Variants in FOXP2 observed in about 807,000 individuals in gnomAD.
FOXP2 encodes the protein forkhead box P2.
FOXP2 carries 12 observed loss-of-function variants against 115.8 expected under a neutral mutation model. That is an observed-to-expected ratio of 0.10 (90% CI 0.07 to 0.17). The LOEUF (loss-of-function observed/expected upper bound fraction) is 0.17. FOXP2 is among the 10% of genes least tolerant of loss of function. The pLI is 1.00. For synonymous variants in FOXP2, 328 were observed against 297.7 expected (o/e 1.10, Z -1.05); for missense variants, 629 against 843.5 (o/e 0.75, Z 3.15).
intron 3 of FOXP2, among the ~76,000 whole-genome samples, chr7:114,553,154 C>T (rs930880154): frequency 6.6e-6 from 1 of 152,060 alleles, no homozygotes; most frequent in African/African-American, 2.4e-5. Context: ...TTCAAACAAA[C>T]ATCAGTGAGT....
intron 1 of FOXP2, among the ~76,000 whole-genome samples, chr7:114,218,268 C>T (rs796648203): frequency 5.3e-5 from 8 of 152,248 alleles, no homozygotes; most frequent in African/African-American, 1.9e-4. Flanking sequence ...TTACAGTACC[C>T]TCTACTCTCC....
chr7:114,529,130 G>A (rs893938447), intron 2 of FOXP2, among the ~76,000 whole-genome samples: 35 of 151,858 alleles, frequency 2.3e-4, no homozygotes, highest in African/African-American at 8.5e-4. Flanking sequence ...GCTACTTGAT[G>A]TACTGCACCT....
chr7:114,520,244 C>T (rs1304096942), intron 2 of FOXP2, among the ~76,000 whole-genome samples: 5 of 152,134 alleles, frequency 3.3e-5, no homozygotes, highest in African/African-American at 4.8e-5. Context: ...TCACTATCCA[C>T]ATGGAATCCC....
intron 16 of FOXP2, among the ~76,000 whole-genome samples, chr7:114,678,183 AGCC>A (rs1481091577): frequency 6.6e-6 from 1 of 152,218 alleles, no homozygotes; most frequent in African/African-American, 2.4e-5. Context: ...CCTAAAAAAT[AGCC>A]ATCTTAAATA....
chr7:114,636,418 G>A (rs1805220281), intron 6 of FOXP2, among the ~76,000 whole-genome samples: 1 of 152,010 alleles, frequency 6.6e-6, no homozygotes, highest in African/African-American at 2.4e-5. Flanking sequence ...TGGCTTAACA[G>A]AATATATATA....
At chr7:114,105,702 T>A (rs549124428) in intron 1 of FOXP2, among the ~76,000 whole-genome samples, 1 of 152,160 alleles carries the variant, frequency 6.6e-6, no homozygotes, top group South Asian at 2.1e-4. Flanking sequence ...GAGGTAAAGC[T>A]TTGGGTTTGG....
rs936426272 is a variant in FOXP2, at chr7:114,351,823, T to TA, written c.-11+63721dup. Among the ~76,000 whole-genome samples the TA allele has an allele frequency of 3.9e-5, 6 of 152,148 alleles. No homozygotes were observed. In the East Asian group the frequency reaches 1.2e-3, roughly 29 times the overall value. On this transcript the variant is annotated intron_variant, in intron 2 of 17. Transcript: ENST00000634411. ...TCGGATATGTCAAATAGCAACATGA[T>TA]AAAAAAAGCCCATGTCTTTGAAAAA...
At chr7:114,525,748 C>T (rs1798825205) in intron 2 of FOXP2, among the ~76,000 whole-genome samples, 1 of 152,182 alleles carries the variant, frequency 6.6e-6, no homozygotes, top group Non-Finnish European at 1.5e-5. Flanking sequence ...AGTCTATCAC[C>T]TACCTGCTGC....
chr7:114,591,851 G>T (rs887898782), intron 3 of FOXP2, among the ~76,000 whole-genome samples: 8 of 152,184 alleles, frequency 5.3e-5, no homozygotes, highest in African/African-American at 1.9e-4. Context: ...CTACAATGAT[G>T]AGTATATTCT....
chr7:114,626,152 C>T (rs1804568727), intron 3 of FOXP2, among the ~76,000 whole-genome samples: 1 of 151,766 alleles, frequency 6.6e-6, no homozygotes, highest in Non-Finnish European at 1.5e-5. Flanking sequence ...AATTGAAAGG[C>T]ACTCAAACCA....
chr7:114,121,327 T>C (rs1231560875), intron 1 of FOXP2, among the ~76,000 whole-genome samples: 1 of 152,086 alleles, frequency 6.6e-6, no homozygotes, highest in African/African-American at 2.4e-5. Context: ...TCCCCTGATC[T>C]CAGACTTCCA....
intron 4 of FOXP2, 183 bp downstream of exon 4, chr7:114,628,860 T>G: frequency 1.4e-6 from 1 of 700,890 alleles, no homozygotes. Flanking sequence ...TTGCTTATTT[T>G]TTTAAAAAAA....
At chr7:114,658,023 CTT>C (rs2129340269) in intron 10 of FOXP2, 41 bp from the exon 11 acceptor site, 1 of 1,608,370 alleles carries the variant, frequency 6.2e-7, no homozygotes. Context: ...GTCTTTTTCT[CTT>C]GTCTCTACCT....
chr7:114,117,934 T>C (rs907447623), intron 1 of FOXP2, among the ~76,000 whole-genome samples: 1 of 152,102 alleles, frequency 6.6e-6, no homozygotes, highest in African/African-American at 2.4e-5. Context: ...GTGACTCTTA[T>C]AAGGGTCACT....
At chr7:114,477,011 TG>T (rs1480185816) in intron 2 of FOXP2, among the ~76,000 whole-genome samples, 1 of 152,036 alleles carries the variant, frequency 6.6e-6, no homozygotes, top group Non-Finnish European at 1.5e-5. Context: ...CAACAGATGC[TG>T]GCAAGGTTGT....
At chr7:114,480,761 ATATACG>A (rs1279841926) in intron 2 of FOXP2, among the ~76,000 whole-genome samples, 1 of 150,496 alleles carries the variant, frequency 6.6e-6, no homozygotes, top group Non-Finnish European at 1.5e-5. Context: ...ATACGTATAT[ATATACG>A]TATACATACA....
At chr7:114,351,079 A>AT (rs1465601796) in intron 2 of FOXP2, among the ~76,000 whole-genome samples, 3 of 152,102 alleles carry the variant, frequency 2.0e-5, no homozygotes, top group African/African-American at 7.2e-5. Context: ...ACAACCATCT[A>AT]TTTTTTCTCA....
At chr7:114,433,310 G>A (rs914613149) in intron 2 of FOXP2, among the ~76,000 whole-genome samples, 1 of 151,790 alleles carries the variant, frequency 6.6e-6, no homozygotes, top group African/African-American at 2.4e-5. Flanking sequence ...ATTAAAATGT[G>A]TCTTTTAATT....
At chr7:114,433,084 C>T (rs1386191523) in intron 2 of FOXP2, among the ~76,000 whole-genome samples, 1 of 151,960 alleles carries the variant, frequency 6.6e-6, no homozygotes, top group Non-Finnish European at 1.5e-5. Context: ...CCATTTCATG[C>T]CTGATCTGCT....
Sources: allele counts gnomAD v4.1 joint callset (sites outside exome capture counted in the v4.1 genomes callset), GRCh38; gene constraint gnomAD v4.1.1; transcripts MANE v1.5; gene names NCBI Gene and HGNC (gene_info 2026-07-23, HGNC 2026-07-21).